NLK: variants seen among roughly 807,000 people sequenced by gnomAD.
NLK encodes nemo like kinase.
Under a neutral mutation model 59.0 loss-of-function variants are expected in NLK, and 11 were observed. The observed-to-expected ratio is 0.19, with a 90% CI of 0.12 to 0.31. The LOEUF (loss-of-function observed/expected upper bound fraction) is 0.31, where lower values mean the gene tolerates loss of function less well. NLK is among the 10% of genes least tolerant of loss of function. NLK has a pLI of 1.00. For synonymous variants in NLK, 235 were observed against 235.9 expected, an observed-to-expected ratio of 1.00 and a Z score of 0.03; for missense variants, 410 against 661.1, an observed-to-expected ratio of 0.62 and a Z score of 4.16.
In NLK at chr17:28,168,535, C is replaced by G. The variant is rs911428299; in HGVS notation, c.925C>G (p.Pro309Ala). 1 of 1,613,678 alleles carries G rather than the reference C, an allele frequency of 6.2e-7. No homozygotes were observed. The highest frequency in any genetic ancestry group is 8.5e-7 in the Non-Finnish European group (1 of 1,179,652). ...QEVVTQYYRA[P>A]EILMGSRHYS... The stretch of plus-strand genomic sequence containing the variant: ...AGTTGTTACTCAGTATTATCGGGCT[C>G]CAGAAATCCTGATGGGCAGCCGTCA... Residue 309 changes from proline to alanine, a missense_variant, in exon 6 of 11, where the codon CCA becomes GCA. Transcript: ENST00000407008.
chr17:28,173,864 A>G (rs368218524), intron 7 of NLK, among the ~76,000 whole-genome samples: 1 of 152,238 alleles, frequency 6.6e-6, no homozygotes, highest in East Asian at 1.9e-4. Context: ...CACTGACTTC[A>G]TTAATTAGTA....
intron 1 of NLK, among the ~76,000 whole-genome samples, chr17:28,119,013 T>C (rs889350180): frequency 1.3e-5 from 2 of 152,220 alleles, no homozygotes; most frequent in African/African-American, 4.8e-5. Flanking sequence ...GGCTCCTTTT[T>C]TTCTGAAATG....
chr17:28,180,783 T>TA (rs1403740365), intron 7 of NLK, among the ~76,000 whole-genome samples: 3 of 152,190 alleles, frequency 2.0e-5, no homozygotes, highest in Non-Finnish European at 2.9e-5. Context: ...CTATTCACAG[T>TA]AAAAATTTTT....
chr17:28,117,328 C>T (rs1022262541), intron 1 of NLK, among the ~76,000 whole-genome samples: 13 of 152,124 alleles, frequency 8.5e-5, no homozygotes, highest in Non-Finnish European at 1.8e-4. Flanking sequence ...TTGGTGGGGA[C>T]TGAAAGGGTC....
intron 3 of NLK, among the ~76,000 whole-genome samples, chr17:28,136,985 C>CT (rs369856892): frequency 6.7e-6 from 1 of 149,838 alleles, no homozygotes; most frequent in South Asian, 2.1e-4. Context: ...TCAGTTTCCT[C>CT]TTTTTTTCTC....
downstream of NLK, among the ~76,000 whole-genome samples, chr17:28,197,424 G>A (rs578227774): frequency 4.6e-5 from 7 of 151,060 alleles, no homozygotes; most frequent in African/African-American, 7.3e-5. Flanking sequence ...AGCTGAGATC[G>A]TGCCAGTGCA....
At chr17:28,052,713 C>T (rs1909300195) in intron 1 of NLK, among the ~76,000 whole-genome samples, 1 of 152,126 alleles carries the variant, frequency 6.6e-6, no homozygotes, top group South Asian at 2.1e-4. Flanking sequence ...GTCATTTCAA[C>T]ATGTATTCAC....
intron 1 of NLK, among the ~76,000 whole-genome samples, chr17:28,096,468 A>G (rs1904704451): frequency 1.3e-5 from 2 of 152,164 alleles, no homozygotes; most frequent in African/African-American, 4.8e-5. Flanking sequence ...TCCTCCTACA[A>G]TATAGTCTCA....
chr17:28,133,367 A>G (rs1263763731), intron 3 of NLK, among the ~76,000 whole-genome samples: 1 of 152,176 alleles, frequency 6.6e-6, no homozygotes, highest in Admixed American at 6.5e-5. Flanking sequence ...AGGTATTCTG[A>G]CTATGTAGTC....
chr17:28,117,522 AAC>A (rs1170517147), intron 1 of NLK, among the ~76,000 whole-genome samples: 2 of 152,170 alleles, frequency 1.3e-5, no homozygotes, highest in African/African-American at 4.8e-5. Flanking sequence ...TAGTTCATTA[AAC>A]ACAGAGTTAG....
chr17:28,074,358 TTGTATC>T (rs1164734951), intron 1 of NLK, among the ~76,000 whole-genome samples: 3 of 152,202 alleles, frequency 2.0e-5, no homozygotes, highest in Admixed American at 6.5e-5. Context: ...ATTACGCACT[TTGTATC>T]TGTAACATCA....
At chr17:28,204,867 C>T in the NLK span, among the ~76,000 whole-genome samples, 3 of 152,294 alleles carry the variant, frequency 2.0e-5, no homozygotes, top group South Asian at 4.1e-4. Flanking sequence ...CATATGACTT[C>T]CTGGTATTCC....
chr17:28,056,660 A>G (rs995065337), intron 1 of NLK, among the ~76,000 whole-genome samples: 3 of 152,204 alleles, frequency 2.0e-5, no homozygotes, highest in African/African-American at 7.2e-5. Flanking sequence ...TTGGTGAAGA[A>G]CAACTCAGTC....
At chr17:28,094,012 T>A (rs1187897362) in intron 1 of NLK, among the ~76,000 whole-genome samples, 1 of 152,148 alleles carries the variant, frequency 6.6e-6, no homozygotes, top group Non-Finnish European at 1.5e-5. Flanking sequence ...GACTATTATT[T>A]AATAGGGTAG....
At chr17:28,060,864 C>T (rs76050155) in intron 1 of NLK, among the ~76,000 whole-genome samples, 3 of 152,258 alleles carry the variant, frequency 2.0e-5, no homozygotes, top group East Asian at 1.9e-4. Flanking sequence ...TGAATGCACA[C>T]GCTCTTTGGA....
chr17:28,116,247 T>G (rs1905764257), intron 1 of NLK: 1 of 187,098 alleles, frequency 5.3e-6, no homozygotes, highest in African/African-American at 2.3e-5. Context: ...TGGTCCAACT[T>G]AATGAAACCT....
intron 9 of NLK, among the ~76,000 whole-genome samples, 188 bp from the exon 10 acceptor site, chr17:28,191,932 A>G (rs1909320286): frequency 6.6e-6 from 1 of 152,188 alleles, no homozygotes; most frequent in Admixed American, 6.5e-5. Context: ...GGTTTCTTAT[A>G]TTTAGCAACA....
chr17:28,145,768 T>G (rs1907218784), intron 3 of NLK, among the ~76,000 whole-genome samples: 1 of 152,080 alleles, frequency 6.6e-6, no homozygotes, highest in Non-Finnish European at 1.5e-5. Flanking sequence ...TGCAGTGGCA[T>G]GATCTCAGCT....
At chr17:28,123,440 A>C (rs1011163392) in intron 2 of NLK, among the ~76,000 whole-genome samples, 4 of 152,216 alleles carry the variant, frequency 2.6e-5, no homozygotes, top group South Asian at 2.1e-4. Flanking sequence ...AGTGAATTCA[A>C]GTGAATTCTA....
Sources: allele counts gnomAD v4.1 joint callset (sites outside exome capture counted in the v4.1 genomes callset), GRCh38; gene constraint gnomAD v4.1.1; transcripts MANE v1.5; gene names NCBI Gene and HGNC (gene_info 2026-07-23, HGNC 2026-07-21).